Variants in LRCH1 observed in about 807,000 individuals in gnomAD.
LRCH1 encodes the protein leucine rich repeats and calponin homology domain containing 1.
LRCH1 carries 23 observed loss-of-function variants against 94.9 expected under a neutral mutation model. That is an observed-to-expected ratio of 0.24 (90% CI 0.17 to 0.34). The LOEUF is 0.34. Ranked by LOEUF, LRCH1 falls within the 10% of genes least tolerant of loss-of-function variation. The pLI is 1.00. For synonymous variants in LRCH1, 364 were observed against 354.9 expected, an observed-to-expected ratio of 1.03 and a Z score of -0.29; for missense variants, 790 against 945.9, an observed-to-expected ratio of 0.84 and a Z score of 2.16.
intron 3 of LRCH1, among the ~76,000 whole-genome samples, chr13:46,674,601 A>C (rs1305854475): frequency 6.6e-6 from 1 of 152,214 alleles, no homozygotes; most frequent in Admixed American, 6.5e-5. Flanking sequence ...CAGTATGGAT[A>C]TGTTGCTTTG....
chr13:46,666,713 T>C (rs1435187178), intron 2 of LRCH1, among the ~76,000 whole-genome samples: 2 of 152,278 alleles, frequency 1.3e-5, no homozygotes, highest in African/African-American at 4.8e-5. Context: ...AAATATTTTA[T>C]AACCACAAGT....
chr13:46,716,345 G>T (rs1447761902), intron 16 of LRCH1, among the ~76,000 whole-genome samples: 4 of 152,102 alleles, frequency 2.6e-5, no homozygotes, highest in Non-Finnish European at 2.9e-5. Flanking sequence ...TAGCCTAAGA[G>T]ATTACAATAA....
intron 1 of LRCH1, among the ~76,000 whole-genome samples, chr13:46,603,529 G>A (rs1465573479): frequency 6.6e-6 from 1 of 152,160 alleles, no homozygotes; most frequent in East Asian, 1.9e-4. Flanking sequence ...AACACTGAAT[G>A]CACCAATAAA....
At chr13:46,711,231 A>G (rs1051592671) in intron 13 of LRCH1, among the ~76,000 whole-genome samples, 1 of 152,190 alleles carries the variant, frequency 6.6e-6, no homozygotes, top group African/African-American at 2.4e-5. Flanking sequence ...TCGGGATGTC[A>G]TCTTGACTTT....
intron 1 of LRCH1, among the ~76,000 whole-genome samples, chr13:46,632,087 C>T (rs1398674016): frequency 6.6e-6 from 1 of 152,054 alleles, no homozygotes; most frequent in Non-Finnish European, 1.5e-5. Flanking sequence ...CCTGTAGTCC[C>T]AGCTACTCAG....
intron 1 of LRCH1, among the ~76,000 whole-genome samples, chr13:46,618,960 C>T (rs974443117): frequency 5.3e-5 from 8 of 152,134 alleles, no homozygotes; most frequent in East Asian, 1.9e-4. Flanking sequence ...ACTTTTAGAG[C>T]GATGGTGCCA....
intron 2 of LRCH1, among the ~76,000 whole-genome samples, chr13:46,668,630 G>A (rs2051553300): frequency 6.6e-6 from 1 of 151,594 alleles, no homozygotes; most frequent in Non-Finnish European, 1.5e-5. Flanking sequence ...GTCAGGAGAG[G>A]GCAGTTGGCA....
intron 2 of LRCH1, among the ~76,000 whole-genome samples, chr13:46,668,293 TC>T (rs2051547916): frequency 6.6e-6 from 1 of 152,138 alleles, no homozygotes; most frequent in Non-Finnish European, 1.5e-5. Flanking sequence ...GTAGAGACCC[TC>T]TTCTTGTAGA....
intron 14 of LRCH1, 27 bp downstream of exon 14, chr13:46,711,871 G>T (rs372599431): frequency 1.3e-6 from 2 of 1,578,082 alleles, no homozygotes; most frequent in African/African-American, 2.7e-5. Context: ...TTAATGGAAG[G>T]TGAGGTGTTT....
At chr13:46,728,755 A>T (rs1872952064) in intron 17 of LRCH1, 92 bp from the exon 18 acceptor site, 2 of 1,168,838 alleles carry the variant, frequency 1.7e-6, no homozygotes, top group East Asian at 2.6e-5. Flanking sequence ...TGATGAAATT[A>T]GTGCCTCAGT....
intron 5 of LRCH1, 42 bp from the exon 6 acceptor site, chr13:46,687,810 G>T: frequency 6.4e-7 from 1 of 1,568,186 alleles, no homozygotes. Context: ...ATTTTGTTTT[G>T]TCATTGAAAA....
chr13:46,625,986 T>A (rs2050944413), intron 1 of LRCH1, among the ~76,000 whole-genome samples: 1 of 152,186 alleles, frequency 6.6e-6, no homozygotes, highest in Non-Finnish European at 1.5e-5. Flanking sequence ...CAGACTATGG[T>A]ATTTTTGTAT....
At chr13:46,611,724 A>G (rs1447083489) in intron 1 of LRCH1, among the ~76,000 whole-genome samples, 1 of 152,220 alleles carries the variant, frequency 6.6e-6, no homozygotes, top group Non-Finnish European at 1.5e-5. Context: ...GTAATTTTAA[A>G]ATGTTGATTA....
chr13:46,628,157 A>G (rs758142565), intron 1 of LRCH1, among the ~76,000 whole-genome samples: 2 of 152,192 alleles, frequency 1.3e-5, no homozygotes, highest in Non-Finnish European at 2.9e-5. Context: ...AAGACATACT[A>G]CATTCCTACT....
rs566478564 is a variant in LRCH1, at chr13:46,674,001, C to T, written c.579+4845C>T. The stretch of plus-strand genomic sequence containing the variant: ...TTCACTGTGTTGGCCAGGCTGCTGT[C>T]GAACTCCTGACCTCAAGTGATCCAC... On this transcript the variant is annotated intron_variant, in intron 3 of 19. Coordinates refer to ENST00000389797, the MANE Select transcript of LRCH1 (RefSeq NM_001164211.2). 3.3e-5 allele frequency among the ~76,000 whole-genome samples: 5 copies of T among 152,216 alleles called. No individual in the cohort carries two copies. In the South Asian group the frequency reaches 6.2e-4, roughly 19 times the overall value.
chr13:46,703,165 C>T (rs1871574676), intron 11 of LRCH1, among the ~76,000 whole-genome samples: 1 of 152,164 alleles, frequency 6.6e-6, no homozygotes, highest in Admixed American at 6.5e-5. Flanking sequence ...TGTATCCATG[C>T]ATGTGTATGG....
chr13:46,730,475 T>A (rs961374924), intron 18 of LRCH1, among the ~76,000 whole-genome samples: 1 of 152,220 alleles, frequency 6.6e-6, no homozygotes, highest in African/African-American at 2.4e-5. Flanking sequence ...AGCCTCACAG[T>A]GGCATGATTT....
chr13:46,732,475 C>G (rs1297194897), intron 18 of LRCH1, among the ~76,000 whole-genome samples: 1 of 152,208 alleles, frequency 6.6e-6, no homozygotes, highest in Non-Finnish European at 1.5e-5. Context: ...CCCTCCCTCA[C>G]TCCCAAAGAG....
chr13:46,739,451 C>T (rs185515796), intron 19 of LRCH1, among the ~76,000 whole-genome samples: 70 of 152,226 alleles, frequency 4.6e-4, no homozygotes, highest in Admixed American at 4.2e-3. Flanking sequence ...TAGCATTTTC[C>T]AATTTTAATT....
Sources: allele counts gnomAD v4.1 joint callset (sites outside exome capture counted in the v4.1 genomes callset), GRCh38; gene constraint gnomAD v4.1.1; transcripts MANE v1.5; gene names NCBI Gene and HGNC (gene_info 2026-07-23, HGNC 2026-07-21).